DHX8: variants seen among roughly 807,000 people sequenced by gnomAD.
DHX8 encodes DEAH-box helicase 8.
In DHX8, 67 loss-of-function variants were observed where a neutral mutation model predicts 140.7. That is an observed-to-expected ratio of 0.48 (90% CI 0.39 to 0.58). The LOEUF (loss-of-function observed/expected upper bound fraction) is 0.58, where lower values mean the gene tolerates loss of function less well. DHX8 is among the 20% of genes least tolerant of loss of function. The pLI, the probability that DHX8 is intolerant of heterozygous loss-of-function variation, is 0.00. For missense variants in DHX8, 887 were observed against 1,550.7 expected (o/e 0.57, Z 7.19); for synonymous variants, 533 against 553.2 (o/e 0.96, Z 0.51).
At chr17:43,516,997 A>C (rs886432234) in intron 17 of DHX8, among the ~76,000 whole-genome samples, 170 bp from the exon 18 acceptor site, 10 of 152,108 alleles carry the variant, frequency 6.6e-5, no homozygotes. Flanking sequence ...GAGTATGGAG[A>C]GGGGAAGATA....
At chr17:43,503,120 T>C (rs910967836) in intron 11 of DHX8, among the ~76,000 whole-genome samples, 1 of 152,054 alleles carries the variant, frequency 6.6e-6, no homozygotes, top group Non-Finnish European at 1.5e-5. Context: ...CCCAGCACTT[T>C]GGGAGGCTGA....
chr17:43,517,231 A>G lies in DHX8; in HGVS notation c.2708A>G (p.Tyr903Cys). ...RTGPGKCYRL[Y>C]TERAYRDEML... ...GGCCCAGGGAAGTGTTACAGGTTGTACACAGAACGTGCCTACCGAGATGAA... is the reference window on the plus strand; with the variant it reads ...GGCCCAGGGAAGTGTTACAGGTTGTGCACAGAACGTGCCTACCGAGATGAA... The change falls in exon 18 of 23, where the codon TAC (tyrosine) becomes TGC (cysteine). Residue 903 changes from tyrosine to cysteine, a missense_variant. By Grantham distance (194) the Tyr-to-Cys change is radical. This residue lies in a region of DHX8 where 151 missense variants were observed against 388.3 expected (regional missense o/e 0.39). Coordinates refer to ENST00000262415, the MANE Select transcript of DHX8 (RefSeq NM_004941.3). 1 of 1,614,214 alleles carries G rather than the reference A, an allele frequency of 6.2e-7. No homozygotes were observed. Among genetic ancestry groups the G allele is most frequent in the Non-Finnish European group, 8.5e-7 (1 of 1,180,040 alleles).
Position 43,506,988 on chromosome 17 carries a change from T to C in DHX8, c.1729-15T>C. On this transcript the variant is annotated splice_polypyrimidine_tract_variant and intron_variant, in intron 12 of 22. Coordinates refer to ENST00000262415, the MANE Select transcript of DHX8 (RefSeq NM_004941.3). Reference sequence around the variant, plus strand: ...GCAGATTTTAATGACCATATTTATATTCTGTTGCTTTCAGGCCGTCCATGA... The same window carrying C: ...GCAGATTTTAATGACCATATTTATACTCTGTTGCTTTCAGGCCGTCCATGA... 1 of 1,562,388 alleles carries C rather than the reference T, an allele frequency of 6.4e-7. No homozygotes were observed. The highest frequency in any genetic ancestry group is 8.7e-7 in the Non-Finnish European group (1 of 1,153,234).
intron 12 of DHX8, among the ~76,000 whole-genome samples, chr17:43,505,770 A>G (rs538446867): frequency 2.6e-5 from 4 of 152,174 alleles, no homozygotes; most frequent in Non-Finnish European, 5.9e-5. Context: ...TCGGTACTCT[A>G]TATTCTGGAG....
chr17:43,517,526 T>G (rs1330832850), intron 18 of DHX8: 4 of 566,766 alleles, frequency 7.1e-6, no homozygotes, highest in Non-Finnish European at 1.2e-5. Context: ...GAACACACAT[T>G]TTTTCTTACC....
At chr17:43,489,906 A>G (rs370809068) in intron 2 of DHX8, among the ~76,000 whole-genome samples, 2 of 152,142 alleles carry the variant, frequency 1.3e-5, no homozygotes, top group East Asian at 3.8e-4. Flanking sequence ...TTAAATTTTG[A>G]TAGGGTTTAA....
rs1784262830 is a variant in DHX8, at chr17:43,521,023, T to G, written c.3066+144T>G. The G allele has an allele frequency of 3.6e-6, 3 of 836,566 alleles. No individual in the cohort carries two copies. In the South Asian group the frequency reaches 5.8e-5, roughly 16 times the overall value. The allele number at this position is 836,566 out of a possible 1,614,324, so 51.8% of individuals were successfully genotyped here. A position where few individuals can be genotyped will look rare whatever the true frequency, so the allele number is the denominator to read the frequency against. ...TCTCACTCTGTTGCCCAGGCTGGAG[T>G]GCAGTGGAATGATCTTGCAATCTCT... On this transcript the variant is annotated intron_variant, in intron 20 of 22. Transcript: ENST00000262415.
chr17:43,540,282 A>G (rs1265490592), intron 3 of DHX8, among the ~76,000 whole-genome samples: 1 of 152,004 alleles, frequency 6.6e-6, no homozygotes, highest in Non-Finnish European at 1.5e-5. Context: ...GCGAAACCCC[A>G]TCTCTACTAA....
intron 11 of DHX8, among the ~76,000 whole-genome samples, chr17:43,504,335 A>T (rs1969371805): frequency 6.6e-6 from 1 of 151,938 alleles, no homozygotes; most frequent in Admixed American, 6.6e-5. Context: ...TCCCACTTGG[A>T]TGACAGAGCA....
chr17:43,521,628 C>T lies in DHX8; in HGVS notation c.3263+63C>T, dbSNP rs565319305. 1.9e-5 allele frequency: 29 copies of T among 1,500,720 alleles called. No individual in the cohort carries two copies. The South Asian group carries it at 3.2e-4, about 16-fold the overall frequency. The allele number at this position is 1,500,720 out of a possible 1,614,324, so 93.0% of individuals were successfully genotyped here. On this transcript the variant is annotated intron_variant, in intron 21 of 22. Coordinates refer to ENST00000262415, the MANE Select transcript of DHX8 (RefSeq NM_004941.3). ...AACCACCTTGAGTATCATGTCTTTT[C>T]ATCTCTGTGTGTACCTATAAAGCTA...
intron 9 of DHX8, among the ~76,000 whole-genome samples, chr17:43,497,086 T>G (rs1010782571): frequency 6.6e-6 from 1 of 152,210 alleles, no homozygotes; most frequent in African/African-American, 2.4e-5. Context: ...ATCTTCTTTC[T>G]TCCTTCTAGG....
At chr17:43,494,921 C>T (rs1968766957) in intron 8 of DHX8, among the ~76,000 whole-genome samples, 1 of 150,936 alleles carries the variant, frequency 6.6e-6, no homozygotes, top group South Asian at 2.1e-4. Context: ...AAGCGATTGT[C>T]GTGCCTCAGC....
chr17:43,504,698 A>G lies in DHX8; in HGVS notation c.1601A>G (p.Asp534Gly). 6 of 1,614,158 alleles carry G rather than the reference A, an allele frequency of 3.7e-6. No homozygotes were observed. Among genetic ancestry groups the G allele is most frequent in the Admixed American group, 1.7e-5 (1 of 60,014 alleles). The change falls in exon 12 of 23, where the codon GAT (aspartate) becomes GGT (glycine). Residue 534 changes from aspartate to glycine, a missense_variant. This residue lies in a region of DHX8 where 178 missense variants were observed against 398.5 expected (regional missense o/e 0.45). Coordinates refer to ENST00000262415, the MANE Select transcript of DHX8 (RefSeq NM_004941.3). ...AGGGGTATTGGGATGATGCCCAATG[A>G]TATTCCTGAGTGGAAGAAGCATGCC... ...NMRGIGMMPN[D>G]IPEWKKHAFG...
At chr17:43,500,452 A>C (rs1210999578) in intron 11 of DHX8, among the ~76,000 whole-genome samples, 2 of 151,728 alleles carry the variant, frequency 1.3e-5, no homozygotes, top group African/African-American at 4.8e-5. Context: ...AGGCAAGTGT[A>C]CTCCAGCCTG....
chr17:43,507,716 C>CT, intron 14 of DHX8, 28 bp downstream of exon 14: 1 of 1,612,858 alleles, frequency 6.2e-7, no homozygotes, highest in Non-Finnish European at 8.5e-7. Context: ...AATGACCCCT[C>CT]TACCTGTTGG....
chr17:43,521,753 C>G (rs1209159151), intron 21 of DHX8, among the ~76,000 whole-genome samples, 188 bp downstream of exon 21: 3 of 152,154 alleles, frequency 2.0e-5, no homozygotes, highest in African/African-American at 4.8e-5. Flanking sequence ...CTGAGAATTA[C>G]CTCAGATACC....
At chr17:43,512,419 T>C (rs1437094020) in intron 16 of DHX8, among the ~76,000 whole-genome samples, 1 of 146,684 alleles carries the variant, frequency 6.8e-6, no homozygotes, top group Non-Finnish European at 1.5e-5. Context: ...TGGACTTGAG[T>C]AATGTTAAAG....
chr17:43,520,637 C>A, intron 19 of DHX8, 114 bp from the exon 20 acceptor site: 1 of 1,255,368 alleles, frequency 8.0e-7, no homozygotes, highest in Non-Finnish European at 1.1e-6. Context: ...CCCAAGGCAT[C>A]ATTATGCTTT....
At position 43,492,265 on chromosome 17, in the gene DHX8, A is replaced by G. The variant is rs1567676265; in HGVS notation, c.476A>G (p.Gln159Arg). The change falls in exon 5 of 23, where the codon CAG (glutamine) becomes CGG (arginine). Residue 159 changes from glutamine (Q) to arginine (R), a missense_variant. Gln to Arg is a conservative substitution (Grantham distance 43). This residue lies in a region of DHX8 where 304 missense variants were observed against 306.9 expected (regional missense o/e 0.99). Coordinates refer to ENST00000262415, the MANE Select transcript of DHX8 (RefSeq NM_004941.3). ...LEALMPSAAGQEKQRDAEHRD... is the reference protein window; with the variant it reads ...LEALMPSAAGREKQRDAEHRD... ...GCTTTAATGCCCAGCGCAGCAGGCCAGGAGAAGCAAAGAGATGCTGAACAC... is the reference window on the plus strand; with the variant it reads ...GCTTTAATGCCCAGCGCAGCAGGCCGGGAGAAGCAAAGAGATGCTGAACAC... 6.2e-7 allele frequency: 1 copy of G among 1,614,006 alleles called. No homozygotes were observed. Among genetic ancestry groups the G allele is most frequent in the Non-Finnish European group, 8.5e-7 (1 of 1,179,882 alleles).
Sources: gnomAD v4.1 joint callset for allele counts (sites outside exome capture counted in the v4.1 genomes callset) on GRCh38, gnomAD v4.1.1 for gene constraint, gnomAD v4.1.1 regional missense constraint, MANE v1.5 for transcripts, NCBI Gene and HGNC (gene_info 2026-07-23, HGNC 2026-07-21) for gene names.